The following ST7 variants were observed in gnomAD, a reference collection of about 807,000 sequenced individuals.
ST7 encodes the protein suppressor of tumorigenicity 7 protein.
A neutral mutation model predicts 78.7 loss-of-function variants in ST7; 28 were observed. The ratio of observed to expected loss-of-function variants is 0.36; its 90% CI spans 0.26 to 0.49. The LOEUF (loss-of-function observed/expected upper bound fraction) is 0.49, where lower values mean the gene tolerates loss of function less well. ST7 is among the 20% of genes least tolerant of loss of function. ST7 has a pLI of 0.99. For missense variants in ST7, 418 were observed against 696.0 expected, an observed-to-expected ratio of 0.60 and a Z score of 4.49; for synonymous variants, 247 against 249.6, an observed-to-expected ratio of 0.99 and a Z score of 0.10.
rs926849573 is a variant in ST7, at chr7:117,162,731, T to A, written c.964-8131T>A. Among the ~76,000 whole-genome samples, 7 of 152,112 alleles carry A rather than the reference T, an allele frequency of 4.6e-5. No homozygotes were observed. In the South Asian group the frequency reaches 1.5e-3, roughly 32 times the overall value. ...TTATGAAACTTCTTTTATGAAGATA[T>A]TTTGGCTTTTACATCTTATTCCTAT... On this transcript the variant is annotated intron_variant, in intron 9 of 15. Coordinates refer to ENST00000323984, the MANE Select transcript of ST7 (RefSeq NM_001369598.1).
intron 1 of ST7, among the ~76,000 whole-genome samples, chr7:116,974,016 A>G (rs2116275273): frequency 1.3e-5 from 2 of 152,186 alleles, no homozygotes; most frequent in South Asian, 4.1e-4. Flanking sequence ...ATTTTTACAT[A>G]TTTCTTTTTT....
At chr7:116,977,396 T>G (rs1793752856) in intron 1 of ST7, among the ~76,000 whole-genome samples, 1 of 152,170 alleles carries the variant, frequency 6.6e-6, no homozygotes. Context: ...GGCACTCCTC[T>G]AATGTGGAGG....
intron 1 of ST7, among the ~76,000 whole-genome samples, chr7:117,089,582 T>TG (rs1563072649): frequency 6.6e-6 from 1 of 151,116 alleles, no homozygotes; most frequent in African/African-American, 2.4e-5. Flanking sequence ...TTGTTTTTTT[T>TG]TTTTTTTGAG....
At chr7:117,085,561 C>T (rs1358979424) in intron 1 of ST7, among the ~76,000 whole-genome samples, 4 of 152,188 alleles carry the variant, frequency 2.6e-5, no homozygotes, top group Non-Finnish European at 5.9e-5. Context: ...TGTGAAACTC[C>T]ACATGTTCAA....
intron 1 of ST7, among the ~76,000 whole-genome samples, chr7:116,995,903 CAT>C (rs1794629069): frequency 6.6e-6 from 1 of 152,186 alleles, no homozygotes; most frequent in African/African-American, 2.4e-5. Flanking sequence ...TGAAAAGACA[CAT>C]GTTTGAGCTA....
intron 12 of ST7, chr7:117,198,574 T>C (rs1287780889): frequency 7.2e-6 from 2 of 278,394 alleles, no homozygotes; most frequent in Non-Finnish European, 1.4e-5. Flanking sequence ...TTGTTACCCA[T>C]TTCCGACCTG....
intron 1 of ST7, among the ~76,000 whole-genome samples, chr7:116,996,439 AAC>A (rs964163576): frequency 2.0e-5 from 3 of 152,196 alleles, no homozygotes. Flanking sequence ...CACTCTGGGA[AAC>A]ACTGTCTAGG....
intron 3 of ST7, among the ~76,000 whole-genome samples, chr7:117,126,814 A>G (rs959893463): frequency 2.6e-5 from 4 of 151,940 alleles, no homozygotes; most frequent in Admixed American, 6.6e-5. Flanking sequence ...TTTGTCTCTC[A>G]CAAAGAAGCT....
rs191908248 is a variant in ST7 at position 117,034,080 on chromosome 7, C to A, written c.152-65682C>A. ...CCTCAGCATCTCAAGTAGATAGGAC[C>A]ACAGGTGCACACCACTATGCCCTGC... On this transcript the variant is annotated intron_variant, in intron 1 of 15. Transcript: ENST00000323984. Among the ~76,000 whole-genome samples the A allele has an allele frequency of 1.4e-4, 21 of 152,064 alleles. No individual in the cohort carries two copies. The East Asian group carries it at 4.1e-3, about 29-fold the overall frequency.
chr7:117,094,832 T>C, intron 1 of ST7, among the ~76,000 whole-genome samples: 1 of 152,188 alleles, frequency 6.6e-6, no homozygotes, highest in African/African-American at 2.4e-5. Flanking sequence ...TTTTTCAGCC[T>C]AAATAACTTA....
chr7:117,039,507 G>A (rs994172413), intron 1 of ST7, among the ~76,000 whole-genome samples: 4 of 151,784 alleles, frequency 2.6e-5, no homozygotes, highest in African/African-American at 4.8e-5. Context: ...CTGAAAGGTC[G>A]AGGCTGCAGT....
chr7:117,142,518 C>T (rs1391273004), intron 9 of ST7, among the ~76,000 whole-genome samples: 24 of 152,126 alleles, frequency 1.6e-4, no homozygotes. Flanking sequence ...GCTAAATGTC[C>T]CCTGGGGGGC....
rs566636371 is a variant in ST7, at chr7:116,996,455, T to C, written c.151+42764T>C. ...ACTCTGGGAAACACTGTCTAGGAAATTGAGCTAATACCTCTGCCAATTCTT... is the reference window on the plus strand; with the variant it reads ...ACTCTGGGAAACACTGTCTAGGAAACTGAGCTAATACCTCTGCCAATTCTT... On this transcript the variant is annotated intron_variant, in intron 1 of 15. Transcript: ENST00000323984. Among the ~76,000 whole-genome samples the C allele has an allele frequency of 2.7e-3, 404 of 152,298 alleles. 1 individual carries two copies. The highest frequency in any genetic ancestry group is 4.9e-3 in the Non-Finnish European group (334 of 68,016).
At chr7:117,076,757 G>A (rs1799372441) in intron 1 of ST7, 1 of 152,550 alleles carries the variant, frequency 6.6e-6, no homozygotes. Context: ...GACTCCTGAA[G>A]CCCCAGGAGG....
chr7:117,203,053 G>T (rs192073518), intron 12 of ST7, among the ~76,000 whole-genome samples: 1 of 152,260 alleles, frequency 6.6e-6, no homozygotes, highest in African/African-American at 2.4e-5. Context: ...TCCGTGTTTA[G>T]TTGAAAAAAA....
chr7:117,098,955 A>G lies in ST7; in HGVS notation c.152-807A>G, dbSNP rs563878706. On this transcript the variant is annotated intron_variant, in intron 1 of 15. Transcript: ENST00000323984. ...CAACAAGGTTAACTGAATAGTGGGTATGAACAGAGTGGTCAAGAAGGTGCC... is the reference window on the plus strand; with the variant it reads ...CAACAAGGTTAACTGAATAGTGGGTGTGAACAGAGTGGTCAAGAAGGTGCC... The G allele has an allele frequency of 4.8e-3, 3,248 of 669,966 alleles. 11 individuals carry two copies. Among genetic ancestry groups the G allele is most frequent in the Non-Finnish European group, 6.6e-3 (3,046 of 461,748 alleles). The allele number at this position is 669,966 out of a possible 1,614,324, so 41.5% of individuals were successfully genotyped here. A position where few individuals can be genotyped will look rare whatever the true frequency, so the allele number is the denominator to read the frequency against.
intron 1 of ST7, among the ~76,000 whole-genome samples, chr7:117,060,438 C>T (rs1193392031): frequency 6.6e-6 from 1 of 152,048 alleles, no homozygotes; most frequent in African/African-American, 2.4e-5. Flanking sequence ...GTAAGTGATG[C>T]TACATCAACA....
intron 2 of ST7, among the ~76,000 whole-genome samples, chr7:117,117,319 G>A (rs948429901): frequency 3.9e-5 from 6 of 152,168 alleles, no homozygotes; most frequent in Admixed American, 6.5e-5. Context: ...AGGTATTATG[G>A]ATCTGTGACA....
chr7:117,140,743 C>T (rs1297178875), intron 9 of ST7, among the ~76,000 whole-genome samples: 1 of 151,990 alleles, frequency 6.6e-6, no homozygotes, highest in Non-Finnish European at 1.5e-5. Flanking sequence ...CTTAGAATAC[C>T]AATACATGTG....
Sources: gnomAD v4.1 joint callset for allele counts (sites outside exome capture counted in the v4.1 genomes callset) on GRCh38, gnomAD v4.1.1 for gene constraint, MANE v1.5 for transcripts, NCBI Gene and HGNC (gene_info 2026-07-23, HGNC 2026-07-21) for gene names.